The following POLR3C variants were observed in gnomAD, a reference collection of about 807,000 sequenced individuals.
POLR3C encodes the protein RNA polymerase III subunit C, also known as DNA-directed RNA polymerase III subunit RPC3.
POLR3C carries 44 observed loss-of-function variants against 65.9 expected under a neutral mutation model. That is an observed-to-expected ratio of 0.67 (90% confidence interval 0.52 to 0.86). The LOEUF (loss-of-function observed/expected upper bound fraction) is 0.86. POLR3C is among the 40% of genes least tolerant of loss of function. The pLI, the probability that POLR3C is intolerant of heterozygous loss-of-function variation, is 0.00. For synonymous variants in POLR3C, 263 were observed against 231.6 expected, an observed-to-expected ratio of 1.14 and a Z score of -1.23; for missense variants, 576 against 653.2, an observed-to-expected ratio of 0.88 and a Z score of 1.29.
intron 7 of POLR3C, among the ~76,000 whole-genome samples, chr1:145,835,369 C>T (rs1055646543): frequency 1.9e-4 from 28 of 150,058 alleles, no homozygotes; most frequent in Non-Finnish European, 1.0e-4. Flanking sequence ...CGCTTGAACC[C>T]GGGAATGGGA....
chr1:145,836,004 ATATTT>A lies in POLR3C; in HGVS notation c.877-482_877-478del, dbSNP rs200578225. ...TCATATTCCACTTAATGGCCGTGCTATATTTTATTTTAGTGTACTCGGTACTGGTC... is the reference window on the plus strand; with the variant it reads ...TCATATTCCACTTAATGGCCGTGCTATATTTTAGTGTACTCGGTACTGGTC... On this transcript the variant is annotated intron_variant, in intron 7 of 14. Transcript: ENST00000334163. Among the ~76,000 whole-genome samples the A allele has an allele frequency of 8.3e-4, 126 of 151,954 alleles. 2 individuals carry two copies. In the East Asian group the frequency reaches 0.021, roughly 26 times the overall value.
Position 145,826,940 on chromosome 1 carries a change from C to T in POLR3C, c.524C>T (p.Pro175Leu). 1 of 1,613,434 alleles carries T rather than the reference C, an allele frequency of 6.2e-7. No individual in the cohort carries two copies. Among genetic ancestry groups the T allele is most frequent in the Non-Finnish European group, 8.5e-7 (1 of 1,179,770 alleles). Reference protein sequence around the residue: ...TTENSDPGPPPPAPTLVINEK... With the variant: ...TTENSDPGPPLPAPTLVINEK... ...GAGAATTCAGACCCTGGGCCACCACCACCTGCCCCCACACTTGTCATTAAT... is the reference window on the plus strand; with the variant it reads ...GAGAATTCAGACCCTGGGCCACCACTACCTGCCCCCACACTTGTCATTAAT... The change falls in exon 4 of 15, where the codon CCA becomes CTA. Residue 175 changes from proline (P) to leucine (L), a missense_variant. Transcript: ENST00000334163.
intron 1 of POLR3C, chr1:145,824,664 A>G: frequency 2.0e-6 from 1 of 498,400 alleles, no homozygotes; most frequent in Admixed American, 2.7e-5. Context: ...AAGTAATCAT[A>G]AAATTAACTA....
intron 5 of POLR3C, among the ~76,000 whole-genome samples, chr1:145,832,731 A>G (rs1308922430): frequency 2.0e-5 from 3 of 152,150 alleles, no homozygotes; most frequent in Non-Finnish European, 2.9e-5. Context: ...GAGTTAAAAT[A>G]GAGAGAGAAA....
chr1:145,842,157 T>G (rs975494611), intron 14 of POLR3C, among the ~76,000 whole-genome samples, 182 bp from the exon 15 acceptor site: 1 of 152,166 alleles, frequency 6.6e-6, no homozygotes, highest in Non-Finnish European at 1.5e-5. Flanking sequence ...GCAGTTTGCA[T>G]GGTGTCTGGC....
intron 5 of POLR3C, among the ~76,000 whole-genome samples, chr1:145,829,321 C>A (rs1415025455): frequency 6.6e-6 from 1 of 152,160 alleles, no homozygotes; most frequent in South Asian, 2.1e-4. Flanking sequence ...GTAGGCCAGC[C>A]GCCTAGGACA....
At position 145,842,458 on chromosome 1, in the gene POLR3C, T is replaced by C. The variant is rs782058579; in HGVS notation, c.*38T>C. 12 of 1,389,160 alleles carry C rather than the reference T, an allele frequency of 8.6e-6. No homozygotes were observed. Among genetic ancestry groups the C allele is most frequent in the Admixed American group, 1.7e-5 (1 of 59,694 alleles). 86.1% of individuals were successfully genotyped at this position (1,389,160 alleles called of 1,614,324 possible). Reference sequence around the variant, plus strand: ...ATCTTCCTCAGAAGATCTGGGGGGATGGAAAGCAAAATAAAGGAGGTGCCT... The same window carrying C: ...ATCTTCCTCAGAAGATCTGGGGGGACGGAAAGCAAAATAAAGGAGGTGCCT... On this transcript the variant is annotated 3_prime_UTR_variant, in exon 15 of 15. Coordinates refer to ENST00000334163, the MANE Select transcript of POLR3C (RefSeq NM_006468.8).
At chr1:145,836,415 C>T (rs966725265) in intron 7 of POLR3C, 79 bp from the exon 8 acceptor site, 37 of 840,136 alleles carry the variant, frequency 4.4e-5, no homozygotes, top group East Asian at 3.1e-4. Flanking sequence ...CCACTGTGCC[C>T]GGCCTAAAAC....
At chr1:145,825,947 T>G in intron 2 of POLR3C, 24 bp downstream of exon 2, 1 of 1,562,700 alleles carries the variant, frequency 6.4e-7, no homozygotes, top group Non-Finnish European at 8.8e-7. Flanking sequence ...ACATTCATTT[T>G]CTCTCATTTC....
chr1:145,826,422 T>C (rs2101629716), intron 2 of POLR3C, 32 bp from the exon 3 acceptor site: 1 of 1,605,822 alleles, frequency 6.2e-7, no homozygotes, highest in South Asian at 1.1e-5. Flanking sequence ...TTCAGGTCTT[T>C]CCTCTCTTTC....
At chr1:145,831,201 CTA>C (rs1465542202) in intron 5 of POLR3C, among the ~76,000 whole-genome samples, 4 of 152,072 alleles carry the variant, frequency 2.6e-5, no homozygotes, top group Non-Finnish European at 5.9e-5. Flanking sequence ...GCAGCTGAGT[CTA>C]TGCATCTGGA....
intron 9 of POLR3C, 143 bp from the exon 10 acceptor site, chr1:145,837,393 A>AC: frequency 5.5e-6 from 3 of 546,734 alleles, no homozygotes; most frequent in Non-Finnish European, 9.7e-6. Flanking sequence ...ATATTTATGT[A>AC]CCATGACTGA....
intron 5 of POLR3C, among the ~76,000 whole-genome samples, chr1:145,832,730 TAGAGAG>T (rs1350855525): frequency 1.3e-5 from 2 of 151,878 alleles, no homozygotes; most frequent in African/African-American, 4.8e-5. Flanking sequence ...AGAGTTAAAA[TAGAGAG>T]AGAAAGGCCG....
chr1:145,832,953 CAG>C lies in POLR3C; in HGVS notation c.679-304_679-303del, dbSNP rs587751210. 6.6e-5 allele frequency among the ~76,000 whole-genome samples: 10 copies of C among 152,136 alleles called. No homozygotes were observed. The South Asian group carries it at 1.9e-3, about 28-fold the overall frequency. On this transcript the variant is annotated intron_variant, in intron 5 of 14. Coordinates refer to ENST00000334163, the MANE Select transcript of POLR3C (RefSeq NM_006468.8). ...AGGAGAATCACTTGAACCCGAGAGG[CAG>C]AGGTTGCAGTGAGCCGAGATCATGC...
At chr1:145,829,440 A>T (rs1651105372) in intron 5 of POLR3C, among the ~76,000 whole-genome samples, 1 of 152,170 alleles carries the variant, frequency 6.6e-6, no homozygotes, top group Admixed American at 6.5e-5. Flanking sequence ...TCATCTTTTC[A>T]CTGCCATCTC....
Position 145,836,812 on chromosome 1 carries a change from T to C in POLR3C, c.958-3T>C, listed in dbSNP as rs1553728828. ...AGTTAACACTCTCTCTTTTTCTTAATAGCTAGAGTTTGTTGGAAAGTCTGG... is the reference window on the plus strand; with the variant it reads ...AGTTAACACTCTCTCTTTTTCTTAACAGCTAGAGTTTGTTGGAAAGTCTGG... On this transcript the variant is annotated splice_region_variant and splice_polypyrimidine_tract_variant and intron_variant, in intron 8 of 14. Coordinates refer to ENST00000334163, the MANE Select transcript of POLR3C (RefSeq NM_006468.8). 3.2e-6 allele frequency: 5 copies of C among 1,569,292 alleles called. No homozygotes were observed. The highest frequency in any genetic ancestry group is 1.1e-5 in the South Asian group (1 of 89,504).
At position 145,826,514 on chromosome 1, in the gene POLR3C, CGTG is replaced by C; in HGVS notation, c.212_214del (p.Gly71del). ...CCTGGTGAGTTATCAAGTGCACAAA[CGTG>C]GTGTGGTGGAGTATGAAGCCCAGTG... On this transcript the variant is annotated inframe_deletion, in exon 3 of 15. Transcript: ENST00000334163. The C allele has an allele frequency of 2.5e-6, 4 of 1,613,614 alleles. No homozygotes were observed. The highest frequency in any genetic ancestry group is 3.4e-6 in the Non-Finnish European group (4 of 1,179,800).
chr1:145,832,267 CTAGG>C (rs1651396434), intron 5 of POLR3C, among the ~76,000 whole-genome samples: 1 of 152,120 alleles, frequency 6.6e-6, no homozygotes, highest in South Asian at 2.1e-4. Flanking sequence ...TTGCGTAAAT[CTAGG>C]TAGAGATACA....
At chr1:145,825,988 T>G in intron 2 of POLR3C, 65 bp downstream of exon 2, 1 of 1,325,562 alleles carries the variant, frequency 7.5e-7, no homozygotes. Flanking sequence ...CACCTTTGAA[T>G]ATTGTTCTTC....
Sources: gnomAD v4.1 joint callset for allele counts (sites outside exome capture counted in the v4.1 genomes callset) on GRCh38, gnomAD v4.1.1 for gene constraint, MANE v1.5 for transcripts, NCBI Gene and HGNC (gene_info 2026-07-23, HGNC 2026-07-21) for gene names.